CCM2: variants seen among roughly 807,000 people sequenced by gnomAD.
CCM2 encodes CCM2 scaffold protein.
In CCM2, 25 loss-of-function variants were observed where a neutral mutation model predicts 44.9. The observed-to-expected ratio is 0.56, with a 90% CI of 0.41 to 0.78. The LOEUF is 0.78. CCM2 is among the 30% of genes least tolerant of loss of function. The pLI is 0.00. For missense variants in CCM2, 481 were observed against 580.6 expected, an observed-to-expected ratio of 0.83 and a Z score of 1.76; for synonymous variants, 219 against 241.1, an observed-to-expected ratio of 0.91 and a Z score of 0.85.
chr7:45,055,903 C>A (rs1420236633), intron 2 of CCM2, among the ~76,000 whole-genome samples: 2 of 152,198 alleles, frequency 1.3e-5, no homozygotes, highest in Non-Finnish European at 2.9e-5. Context: ...TTTGACTACT[C>A]TAGGTATCTT....
At chr7:45,015,020 C>G (rs919337245) in intron 1 of CCM2, among the ~76,000 whole-genome samples, 20 of 152,158 alleles carry the variant, frequency 1.3e-4, no homozygotes, top group African/African-American at 4.6e-4. Flanking sequence ...TCTTTAAACA[C>G]TTTCTTACAT....
chr7:45,051,266 T>C (rs1313657517), intron 2 of CCM2, among the ~76,000 whole-genome samples: 1 of 152,192 alleles, frequency 6.6e-6, no homozygotes, highest in Non-Finnish European at 1.5e-5. Flanking sequence ...CATAGCACCA[T>C]GTAGCAACTA....
In CCM2 at chr7:45,076,356, G is replaced by A. The variant is rs1021244022; in HGVS notation, c.*299G>A. Reference sequence around the variant, plus strand: ...GCGGGCAGGGAGAGCCAGTCCTGTCGGCTGGGCCCTTGGACGGCTGTCAGT... The same window carrying A: ...GCGGGCAGGGAGAGCCAGTCCTGTCAGCTGGGCCCTTGGACGGCTGTCAGT... On this transcript the variant is annotated 3_prime_UTR_variant, in exon 10 of 10. Coordinates refer to ENST00000258781, the MANE Select transcript of CCM2 (RefSeq NM_031443.4). The A allele has an allele frequency of 8.6e-6, 5 of 582,878 alleles. No homozygotes were observed. Among genetic ancestry groups the A allele is most frequent in the African/African-American group, 3.7e-5 (2 of 54,074 alleles). The allele number at this position is 582,878 out of a possible 1,614,324, so 36.1% of individuals were successfully genotyped here.
chr7:45,021,577 A>AT (rs1300072582), intron 1 of CCM2, among the ~76,000 whole-genome samples: 2 of 151,070 alleles, frequency 1.3e-5, no homozygotes, highest in Middle Eastern at 3.4e-3. Flanking sequence ...AAAAAAAAAT[A>AT]AAATAAAATA....
chr7:45,010,141 G>T (rs563551035), intron 1 of CCM2, among the ~76,000 whole-genome samples: 5 of 152,060 alleles, frequency 3.3e-5, no homozygotes, highest in African/African-American at 1.2e-4. Flanking sequence ...GAATTCCTGG[G>T]CTTAAGCAAT....
intron 2 of CCM2, among the ~76,000 whole-genome samples, chr7:45,049,966 A>G (rs897968396): frequency 5.3e-5 from 8 of 152,274 alleles, no homozygotes; most frequent in Non-Finnish European, 1.0e-4. Flanking sequence ...AGTAATCTAG[A>G]GATAATTTGA....
At chr7:45,017,892 A>G (rs1166168228) in intron 1 of CCM2, among the ~76,000 whole-genome samples, 1 of 152,186 alleles carries the variant, frequency 6.6e-6, no homozygotes, top group African/African-American at 2.4e-5. Flanking sequence ...TTCATGGTGT[A>G]GGTCTGACAC....
At chr7:45,027,510 C>A in intron 1 of CCM2, 1 of 907,714 alleles carries the variant, frequency 1.1e-6, no homozygotes, top group Non-Finnish European at 1.7e-6. Context: ...TCTTTTTGTG[C>A]ATGCAGACTG....
chr7:45,023,544 C>T (rs1406063059), intron 1 of CCM2, among the ~76,000 whole-genome samples: 6 of 151,954 alleles, frequency 3.9e-5, no homozygotes, highest in South Asian at 2.1e-4. Flanking sequence ...AGTGAGACTC[C>T]GTCTCAAAAA....
intron 2 of CCM2, among the ~76,000 whole-genome samples, chr7:45,042,265 C>CAA (rs71565940): frequency 9.8e-6 from 1 of 102,418 alleles, no homozygotes; most frequent in African/African-American, 4.8e-5. Context: ...GATTCCATCT[C>CAA]AAAAAAAAAA....
intron 6 of CCM2, chr7:45,072,209 C>G (rs1216951787): frequency 3.0e-6 from 1 of 331,798 alleles, no homozygotes; most frequent in African/African-American, 2.2e-5. Context: ...CAGTGCCAGA[C>G]CCTTTGCTGG....
chr7:45,068,816 G>C (rs1798914017), intron 5 of CCM2, among the ~76,000 whole-genome samples: 1 of 151,998 alleles, frequency 6.6e-6, no homozygotes, highest in Admixed American at 6.6e-5. Context: ...CTCTGCGCAT[G>C]ACTGCATCCC....
intron 1 of CCM2, among the ~76,000 whole-genome samples, chr7:45,022,290 C>CTTTTTTT (rs34095527): frequency 6.6e-5 from 3 of 45,430 alleles, no homozygotes; most frequent in Non-Finnish European, 1.1e-4. Flanking sequence ...TTTGGACCAG[C>CTTTTTTT]TTTTTTTTTT....
intron 1 of CCM2, among the ~76,000 whole-genome samples, chr7:45,003,318 CA>C (rs921805789): frequency 6.6e-4 from 101 of 152,124 alleles, no homozygotes; most frequent in African/African-American, 2.2e-3. Flanking sequence ...TCAGGTGATC[CA>C]CCCACCTTGG....
chr7:45,029,663 T>A (rs1796866054), intron 1 of CCM2, among the ~76,000 whole-genome samples: 1 of 152,186 alleles, frequency 6.6e-6, no homozygotes, highest in South Asian at 2.1e-4. Context: ...GTTGAGCAGA[T>A]CCAGTTACTC....
At chr7:45,040,054 T>G (rs1038135806) in intron 2 of CCM2, among the ~76,000 whole-genome samples, 2 of 150,944 alleles carry the variant, frequency 1.3e-5, no homozygotes, top group Admixed American at 1.3e-4. Context: ...AACAACTATG[T>G]TATTTATATA....
chr7:45,022,290 C>CTTTT (rs34095527), intron 1 of CCM2, among the ~76,000 whole-genome samples: 14 of 45,450 alleles, frequency 3.1e-4, no homozygotes, highest in African/African-American at 6.3e-4. Context: ...TTTGGACCAG[C>CTTTT]TTTTTTTTTT....
intron 8 of CCM2, 128 bp downstream of exon 8, chr7:45,073,699 T>G (rs898337300): frequency 4.9e-5 from 32 of 649,764 alleles, no homozygotes; most frequent in Non-Finnish European, 2.7e-6. Context: ...CCTAGAGCAC[T>G]CTTGGTCAAT....
intron 1 of CCM2, among the ~76,000 whole-genome samples, chr7:45,006,852 C>G (rs530688867): frequency 6.6e-6 from 1 of 152,330 alleles, no homozygotes; most frequent in African/African-American, 2.4e-5. Context: ...CTTGGACTTT[C>G]AGCATCTAGA....
Sources: allele counts gnomAD v4.1 joint callset (sites outside exome capture counted in the v4.1 genomes callset), GRCh38; gene constraint gnomAD v4.1.1; transcripts MANE v1.5; gene names NCBI Gene and HGNC (gene_info 2026-07-23, HGNC 2026-07-21).